NUP153: variants seen among roughly 807,000 people sequenced by gnomAD.
The protein encoded by NUP153 is nuclear pore complex protein Nup153.
In NUP153, 27 loss-of-function variants were observed where a neutral mutation model predicts 134.6. That is an observed-to-expected ratio of 0.20 (90% confidence interval 0.15 to 0.28). The LOEUF is 0.28. Ranked by LOEUF, NUP153 falls within the 10% of genes least tolerant of loss-of-function variation. The probability of loss-of-function intolerance (pLI) is 1.00; values close to 1 mark genes in which losing one functional copy is unlikely to be tolerated. For missense variants in NUP153, 1,821 were observed against 1,731.3 expected (o/e 1.05, Z -0.92); for synonymous variants, 640 against 623.5 (o/e 1.03, Z -0.40).
intron 2 of NUP153, among the ~76,000 whole-genome samples, chr6:17,686,298 G>C (rs139344519): frequency 6.6e-6 from 1 of 152,130 alleles, no homozygotes; most frequent in Non-Finnish European, 1.5e-5. Flanking sequence ...TATCCAGTGC[G>C]ACAAGATGTG....
intron 8 of NUP153, among the ~76,000 whole-genome samples, chr6:17,666,323 C>T (rs1221486975): frequency 1.3e-5 from 2 of 151,932 alleles, no homozygotes; most frequent in African/African-American, 2.4e-5. Flanking sequence ...TTGAGACCAG[C>T]CTGGCCAACA....
chr6:17,632,863 A>AAAAG lies in NUP153; in HGVS notation c.2465-20_2465-19insCTTT. On this transcript the variant is annotated intron_variant, in intron 16 of 21. Transcript: ENST00000262077. ...GAACTTCCTAAAAAAAAAAAAAAAA[A>AAAAG]CGGGGAGTGGGGGGAGATTTCATGA... The AAAAG allele has an allele frequency of 6.7e-7, 1 of 1,499,176 alleles. No individual in the cohort carries two copies. 92.9% of individuals were successfully genotyped at this position (1,499,176 alleles called of 1,614,324 possible).
intron 1 of NUP153, among the ~76,000 whole-genome samples, chr6:17,701,615 C>T (rs1321945701): frequency 6.8e-6 from 1 of 147,940 alleles, no homozygotes; most frequent in African/African-American, 2.5e-5. Flanking sequence ...GAGCCGAGGT[C>T]GCACCATTGC....
intron 2 of NUP153, among the ~76,000 whole-genome samples, chr6:17,682,840 C>T (rs1160265673): frequency 1.3e-5 from 2 of 149,986 alleles, no homozygotes; most frequent in African/African-American, 4.9e-5. Flanking sequence ...ATTGCTTTAT[C>T]GCAGGAGGCT....
intron 1 of NUP153, among the ~76,000 whole-genome samples, chr6:17,699,898 A>T (rs2113864078): frequency 6.6e-6 from 1 of 152,334 alleles, no homozygotes; most frequent in South Asian, 2.1e-4. Context: ...ATTTTACTTC[A>T]AACTAAGATA....
At chr6:17,666,457 T>C (rs554736408) in intron 8 of NUP153, among the ~76,000 whole-genome samples, 8 of 152,230 alleles carry the variant, frequency 5.3e-5, no homozygotes, top group Admixed American at 5.2e-4. Context: ...GAGCTTTCAA[T>C]GGGCCGAGAT....
intron 1 of NUP153, among the ~76,000 whole-genome samples, chr6:17,700,651 G>A (rs1367076641): frequency 1.3e-5 from 2 of 152,018 alleles, no homozygotes; most frequent in African/African-American, 4.8e-5. Flanking sequence ...TACTTATTTG[G>A]GACAGAGTAT....
Position 17,675,437 on chromosome 6 carries a change from A to G in NUP153, c.584-69T>C. On this transcript the variant is annotated intron_variant, in intron 3 of 21. Coordinates refer to ENST00000262077, the MANE Select transcript of NUP153 (RefSeq NM_005124.4). This position sits in a 1 kb window ranked among gnomAD's most constrained non-coding sequence, Gnocchi z 4.4. ...GAGCCTAGATTTTTATAAATAGAAA[A>G]TAAAAATTACAACCAAGTCAGAAAA... is the stretch of plus-strand genomic sequence containing the variant. The G allele has an allele frequency of 1.3e-6, 2 of 1,569,314 alleles. No homozygotes were observed. The highest frequency in any genetic ancestry group is 1.7e-6 in the Non-Finnish European group (2 of 1,158,880).
chr6:17,624,398 C>T (rs190509441), intron 20 of NUP153, among the ~76,000 whole-genome samples, 163 bp downstream of exon 20: 6 of 152,240 alleles, frequency 3.9e-5, no homozygotes, highest in African/African-American at 9.6e-5. Flanking sequence ...GTGAAACCTG[C>T]GAATGTTGTT....
Position 17,675,065 on chromosome 6 carries a change from C to T in NUP153, c.724-32G>A, listed in dbSNP as rs1253987966. ...AGAAACAGAATGATAAATTATAAGC[C>T]ATATGAACCCAGGAGGTGGAGGTTG... On this transcript the variant is annotated intron_variant, in intron 4 of 21. Coordinates refer to ENST00000262077, the MANE Select transcript of NUP153 (RefSeq NM_005124.4). This position sits in a 1 kb window ranked among gnomAD's most constrained non-coding sequence, Gnocchi z 4.4. 4 of 1,609,406 alleles carry T rather than the reference C, an allele frequency of 2.5e-6. No homozygotes were observed. Among genetic ancestry groups the T allele is most frequent in the Non-Finnish European group, 3.4e-6 (4 of 1,177,740 alleles).
chr6:17,698,332 C>T (rs1052665867), intron 1 of NUP153, among the ~76,000 whole-genome samples: 8 of 152,204 alleles, frequency 5.3e-5, no homozygotes, highest in Non-Finnish European at 7.3e-5. Context: ...GTGGCTCACG[C>T]CTGTAATCTC....
At chr6:17,699,169 A>T (rs1380136387) in intron 1 of NUP153, among the ~76,000 whole-genome samples, 1 of 148,506 alleles carries the variant, frequency 6.7e-6, no homozygotes, top group Admixed American at 7.0e-5. Flanking sequence ...CCATGAAGAT[A>T]AGCTAAATAG....
intron 20 of NUP153, among the ~76,000 whole-genome samples, chr6:17,620,053 G>A (rs574677166): frequency 8.0e-6 from 1 of 124,752 alleles, no homozygotes; most frequent in African/African-American, 3.1e-5. Context: ...AGCCAAGATT[G>A]CACCATTATA....
intron 11 of NUP153, among the ~76,000 whole-genome samples, chr6:17,657,403 A>AT (rs1766890280): frequency 7.1e-6 from 1 of 140,466 alleles, no homozygotes; most frequent in South Asian, 2.1e-4. Flanking sequence ...TAAAAAAATA[A>AT]AAAAAAAAAA....
chr6:17,702,988 G>T (rs925895229), intron 1 of NUP153, among the ~76,000 whole-genome samples: 5 of 121,462 alleles, frequency 4.1e-5, no homozygotes, highest in Non-Finnish European at 9.4e-5. Flanking sequence ...ATCACCTGAG[G>T]TCAGGAGTTT....
In NUP153 at chr6:17,688,603, C is replaced by A; in HGVS notation, c.127G>T (p.Val43Phe). 5 of 1,612,482 alleles carry A rather than the reference C, an allele frequency of 3.1e-6. No individual in the cohort carries two copies. Among genetic ancestry groups the A allele is most frequent in the Non-Finnish European group, 4.2e-6 (5 of 1,178,664 alleles). The change falls in exon 2 of 22, where the codon GTT becomes TTT. Residue 43 changes from valine to phenylalanine, a missense_variant. Val to Phe is a conservative substitution (Grantham distance 50). Transcript: ENST00000262077. ...RQQHQGILSR[V>F]TESVKNIVPG... ...ACAATATTCTTAACAGATTCTGTAA[C>A]CCTGCTAAGAATGCCCTGTTGAGAG...
At position 17,701,839 on chromosome 6, in the gene NUP153, G is replaced by T. The variant is rs1295748365; in HGVS notation, c.111+4438C>A. 4.7e-5 allele frequency among the ~76,000 whole-genome samples: 5 copies of T among 105,396 alleles called. 1 individual carries two copies. Among genetic ancestry groups the T allele is most frequent in the African/African-American group, 7.2e-5 (2 of 27,962 alleles). 69.1% of individuals were successfully genotyped at this position (105,396 alleles called of 152,430 possible). A position where few individuals can be genotyped will look rare whatever the true frequency, so the allele number is the denominator to read the frequency against. ...CAGAGCAAGACTCTGTCTCGGGGGG[G>T]GGGGGAAAAAAGCTAAATGCAGGAA... is the stretch of plus-strand genomic sequence containing the variant. On this transcript the variant is annotated intron_variant, in intron 1 of 21. Transcript: ENST00000262077.
At chr6:17,681,977 G>A (rs1046735684) in intron 2 of NUP153, among the ~76,000 whole-genome samples, 4 of 152,210 alleles carry the variant, frequency 2.6e-5, no homozygotes, top group Admixed American at 1.3e-4. Flanking sequence ...GGAGGCTGAG[G>A]CAGGAGGATC....
intron 9 of NUP153, among the ~76,000 whole-genome samples, chr6:17,664,958 CAGG>C (rs1308820436): frequency 2.1e-5 from 3 of 145,780 alleles, no homozygotes; most frequent in Non-Finnish European, 4.5e-5. Context: ...GGGGCTGAAG[CAGG>C]AGAATCACTT....
Sources: gnomAD v4.1 joint callset for allele counts (sites outside exome capture counted in the v4.1 genomes callset) on GRCh38, gnomAD v4.1.1 for gene constraint, Gnocchi (gnomAD v3.1) non-coding constraint, MANE v1.5 for transcripts, NCBI Gene and HGNC (gene_info 2026-07-23, HGNC 2026-07-21) for gene names.